The following AGAP6 variants were observed in gnomAD, a reference collection of about 807,000 sequenced individuals.
The protein encoded by AGAP6 is arf-GAP with GTPase, ANK repeat and PH domain-containing protein 6.
A neutral mutation model predicts 63.9 loss-of-function variants in AGAP6; 29 were observed. That is an observed-to-expected ratio of 0.45 (90% CI 0.34 to 0.62). AGAP6 has a LOEUF of 0.62. Among genes scored for constraint, AGAP6 ranks in the 20% least tolerant of loss-of-function variants. AGAP6 has a pLI of 0.01. For synonymous variants in AGAP6, 199 were observed against 332.9 expected, an observed-to-expected ratio of 0.60 and a Z score of 4.38; for missense variants, 493 against 884.9, an observed-to-expected ratio of 0.56 and a Z score of 5.62.
At chr10:49,997,087 ATAAT>A (rs1400403993) in intron 4 of AGAP6, among the ~76,000 whole-genome samples, 4 of 148,116 alleles carry the variant, frequency 2.7e-5, no homozygotes, top group African/African-American at 5.0e-5. Flanking sequence ...TAATTTGAGT[ATAAT>A]TAATGATATT....
In AGAP6 at chr10:49,989,381, G is replaced by C; in HGVS notation, c.292+5G>C. On this transcript the variant is annotated splice_donor_5th_base_variant and intron_variant, in intron 2 of 7. Coordinates refer to ENST00000412531, the MANE Select transcript of AGAP6 (RefSeq NM_001077665.3). Reference sequence around the variant, plus strand: ...AGAGGAACTCTCAAACAGAAGGTGAGACAACAGTGTCTGTAGCTCTATTTA... The same window carrying C: ...AGAGGAACTCTCAAACAGAAGGTGACACAACAGTGTCTGTAGCTCTATTTA... 1 of 1,597,456 alleles carries C rather than the reference G, an allele frequency of 6.3e-7. No homozygotes were observed. Among genetic ancestry groups the C allele is most frequent in the South Asian group, 1.1e-5 (1 of 90,984 alleles).
chr10:50,009,769 C>G lies in AGAP6; in HGVS notation c.1644C>G (p.Ser548Arg). The G allele has an allele frequency of 1.2e-6, 2 of 1,613,968 alleles. No individual in the cohort carries two copies. The highest frequency in any genetic ancestry group is 8.5e-7 in the Non-Finnish European group (1 of 1,179,970). Residue 548 changes from serine to arginine, a missense_variant, in exon 8 of 8, where the codon AGC becomes AGG. Ser to Arg is a moderately radical substitution (Grantham distance 110). This residue lies in a region of AGAP6 where 87 missense variants were observed against 92.9 expected (regional missense o/e 0.94). Transcript: ENST00000412531. ...CCAACAGCATCTGGGAAGGGAGCAG[C>G]CAGGGGCAGACAAAACCCTCAGAAA... is the stretch of plus-strand genomic sequence containing the variant. ...DLANSIWEGS[S>R]QGQTKPSEKS...
chr10:49,995,185 G>A (rs1212858632), intron 4 of AGAP6, among the ~76,000 whole-genome samples: 2 of 152,038 alleles, frequency 1.3e-5, no homozygotes, highest in African/African-American at 4.8e-5. Flanking sequence ...ACATGATTAT[G>A]ACTCTGCAAA....
chr10:50,006,823 A>G (rs1564714975), intron 6 of AGAP6, among the ~76,000 whole-genome samples: 1 of 152,200 alleles, frequency 6.6e-6, no homozygotes, highest in Non-Finnish European at 1.5e-5. Context: ...AGACATGTCA[A>G]GATTTAACAA....
At chr10:49,989,242 A>G (rs1841165917) in intron 1 of AGAP6, 66 bp from the exon 2 acceptor site, 3 of 1,591,990 alleles carry the variant, frequency 1.9e-6, no homozygotes, top group Non-Finnish European at 1.7e-6. Context: ...CAGCAGTTGA[A>G]TAAATAAGTT....
chr10:50,010,355 G>A lies in AGAP6; in HGVS notation c.*169G>A, dbSNP rs1332631960. On this transcript the variant is annotated 3_prime_UTR_variant, in exon 8 of 8. Coordinates refer to ENST00000412531, the MANE Select transcript of AGAP6 (RefSeq NM_001077665.3). ...ATGTTGATTTTTCTGACCATAAGAC[G>A]TATTTTATGTCCTTCTGCCAAGGTG... The A allele has an allele frequency of 3.7e-5, 48 of 1,307,660 alleles. 3 individuals carry two copies. Among genetic ancestry groups the A allele is most frequent in the South Asian group, 2.6e-4 (18 of 68,784 alleles). 81.0% of individuals were successfully genotyped at this position (1,307,660 alleles called of 1,614,324 possible). A position where few individuals can be genotyped will look rare whatever the true frequency, so the allele number is the denominator to read the frequency against.
At chr10:50,000,069 T>TA (rs1427868916) in intron 4 of AGAP6, among the ~76,000 whole-genome samples, 1 of 106,728 alleles carries the variant, frequency 9.4e-6, no homozygotes, top group East Asian at 3.8e-4. Context: ...GGTTTTGACT[T>TA]ACTAAATTAC....
rs562185790 is a variant in AGAP6, at chr10:49,996,840, T to C, written c.396+2411T>C. Among the ~76,000 whole-genome samples, 40 of 152,142 alleles carry C rather than the reference T, an allele frequency of 2.6e-4. 1 individual carries two copies. In the South Asian group the frequency reaches 7.9e-3, roughly 30 times the overall value. On this transcript the variant is annotated intron_variant, in intron 4 of 7. Coordinates refer to ENST00000412531, the MANE Select transcript of AGAP6 (RefSeq NM_001077665.3). ...GTTCTGCAAGACAAACTGGCTCACTTGTGTTCCAGTCACTTTCTGTAGGCA... is the reference window on the plus strand; with the variant it reads ...GTTCTGCAAGACAAACTGGCTCACTCGTGTTCCAGTCACTTTCTGTAGGCA...
At chr10:50,005,102 G>C (rs1841865337) in intron 6 of AGAP6, among the ~76,000 whole-genome samples, 1 of 152,180 alleles carries the variant, frequency 6.6e-6, no homozygotes, top group South Asian at 2.1e-4. Flanking sequence ...CTACCAACTA[G>C]ATGTCAGTAG....
At chr10:49,998,163 C>T (rs1420325135) in intron 4 of AGAP6, among the ~76,000 whole-genome samples, 52 of 105,942 alleles carry the variant, frequency 4.9e-4, no homozygotes, top group South Asian at 1.2e-3. Context: ...AGATTTCCTC[C>T]CACTCTGTGG....
In AGAP6 at chr10:49,988,549, G is replaced by A. The variant is rs61847159; in HGVS notation, c.-167G>A. On this transcript the variant is annotated 5_prime_UTR_variant, in exon 1 of 8. Coordinates refer to ENST00000412531, the MANE Select transcript of AGAP6 (RefSeq NM_001077665.3). ...CGGGCCTTGGCCCGCAGCCCTAGCCGGGGCCGGGGCCAGGGCTGGTGCCCG... is the reference window on the plus strand; with the variant it reads ...CGGGCCTTGGCCCGCAGCCCTAGCCAGGGCCGGGGCCAGGGCTGGTGCCCG... 0.21 allele frequency: 310,061 copies of A among 1,503,352 alleles called. 1,130 individuals carry two copies. Among genetic ancestry groups the A allele is most frequent in the Non-Finnish European group, 0.23 (256,248 of 1,121,922 alleles). 93.1% of individuals were successfully genotyped at this position (1,503,352 alleles called of 1,614,324 possible). A position where few individuals can be genotyped will look rare whatever the true frequency, so the allele number is the denominator to read the frequency against.
At chr10:49,996,607 T>G (rs1168538533) in intron 4 of AGAP6, among the ~76,000 whole-genome samples, 4 of 151,256 alleles carry the variant, frequency 2.6e-5, no homozygotes, top group Non-Finnish European at 5.9e-5. Flanking sequence ...ATCTCAGGTT[T>G]AAGCCATGGT....
chr10:49,990,072 A>G (rs1252810501), intron 2 of AGAP6, among the ~76,000 whole-genome samples: 10 of 152,204 alleles, frequency 6.6e-5, no homozygotes, highest in Non-Finnish European at 1.3e-4. Flanking sequence ...CTTCCCTGTA[A>G]GAGTGTTTGT....
At chr10:49,993,945 A>T (rs1340548101) in intron 3 of AGAP6, among the ~76,000 whole-genome samples, 1 of 152,160 alleles carries the variant, frequency 6.6e-6, no homozygotes, top group African/African-American at 2.4e-5. Flanking sequence ...AGATGCTTAC[A>T]GGGATTCTGT....
At chr10:49,999,002 A>C (rs1179488975) in intron 4 of AGAP6, among the ~76,000 whole-genome samples, 2 of 140,822 alleles carry the variant, frequency 1.4e-5, no homozygotes, top group Non-Finnish European at 3.0e-5. Context: ...TCATGAGGTC[A>C]GGAGCGGGAG....
Position 50,008,754 on chromosome 10 carries a change from G to A in AGAP6, c.629G>A (p.Ser210Asn), listed in dbSNP as rs1221335410. The change falls in exon 8 of 8, where the codon AGT (serine) becomes AAT (asparagine). Residue 210 changes from serine (S) to asparagine (N), a missense_variant. Physicochemically the swap from Ser to Asn is conservative, Grantham distance 46. Coordinates refer to ENST00000412531, the MANE Select transcript of AGAP6 (RefSeq NM_001077665.3). Reference sequence around the variant, plus strand: ...ATGAAGAAAAGAAATGGAGGTGGGAGTTTAAATAACTATTCCTCCTCCATT... The same window carrying A: ...ATGAAGAAAAGAAATGGAGGTGGGAATTTAAATAACTATTCCTCCTCCATT... ...HIMKKRNGGG[S>N]LNNYSSSIPS... 10 of 1,614,048 alleles carry A rather than the reference G, an allele frequency of 6.2e-6. No homozygotes were observed. The African/African-American group carries it at 9.3e-5, about 15-fold the overall frequency.
At chr10:49,997,223 A>G (rs1841524082) in intron 4 of AGAP6, among the ~76,000 whole-genome samples, 1 of 151,842 alleles carries the variant, frequency 6.6e-6, no homozygotes, top group Non-Finnish European at 1.5e-5. Context: ...ATTACTTCAC[A>G]ACATAGATGG....
rs782023143 is a variant in AGAP6 at position 50,008,007 on chromosome 10, C to T, written c.534-18C>T. ...GATATTAACAGTTTTTGAAGTAATGCGCTTTCTTATTTTATAGAGATGCAG... is the reference window on the plus strand; with the variant it reads ...GATATTAACAGTTTTTGAAGTAATGTGCTTTCTTATTTTATAGAGATGCAG... On this transcript the variant is annotated intron_variant, in intron 6 of 7. Transcript: ENST00000412531. 154 of 1,611,682 alleles carry T rather than the reference C, an allele frequency of 9.6e-5. No individual in the cohort carries two copies. Among genetic ancestry groups the T allele is most frequent in the Middle Eastern group, 2.2e-4 (1 of 4,450 alleles).
chr10:49,994,101 T>A (rs1182003653), intron 3 of AGAP6, among the ~76,000 whole-genome samples: 7 of 152,150 alleles, frequency 4.6e-5, no homozygotes, highest in African/African-American at 1.4e-4. Flanking sequence ...TTAAACTTTT[T>A]ATTAGCTAAA....
Sources: gnomAD v4.1 joint callset for allele counts (sites outside exome capture counted in the v4.1 genomes callset) on GRCh38, gnomAD v4.1.1 for gene constraint, gnomAD v4.1.1 regional missense constraint, MANE v1.5 for transcripts, NCBI Gene and HGNC (gene_info 2026-07-23, HGNC 2026-07-21) for gene names.